The following LGR6 variants were observed in gnomAD, a reference collection of about 807,000 sequenced individuals.
LGR6 encodes leucine rich repeat containing G protein-coupled receptor 6.
A neutral mutation model predicts 69.4 loss-of-function variants in LGR6; 45 were observed. That is an observed-to-expected ratio of 0.65 (90% confidence interval 0.51 to 0.83). The LOEUF is 0.83. Ranked by LOEUF, LGR6 falls within the 40% of genes least tolerant of loss-of-function variation. LGR6 has a pLI of 0.00. For synonymous variants in LGR6, 538 were observed against 555.0 expected (o/e 0.97, Z 0.43); for missense variants, 1,108 against 1,246.7 (o/e 0.89, Z 1.68).
intron 7 of LGR6, among the ~76,000 whole-genome samples, chr1:202,298,063 T>G (rs902628408): frequency 1.3e-5 from 2 of 152,240 alleles, no homozygotes; most frequent in Non-Finnish European, 2.9e-5. Flanking sequence ...CTGCACTGTG[T>G]TTAGTGATAA....
At chr1:202,307,046 C>T in intron 13 of LGR6, 107 bp downstream of exon 13, 1 of 958,318 alleles carries the variant, frequency 1.0e-6, no homozygotes. Context: ...ATGTGACATG[C>T]ACATCGCCTC....
rs78129981 is a variant in LGR6, at chr1:202,277,463, G to C, written c.644+942G>C. Among the ~76,000 whole-genome samples, 37 of 150,788 alleles carry C rather than the reference G, an allele frequency of 2.5e-4. No homozygotes were observed. In the East Asian group the frequency reaches 6.6e-3, roughly 27 times the overall value. On this transcript the variant is annotated intron_variant, in intron 5 of 17. Transcript: ENST00000367278. ...TCTTCTGGGAGTCACGGGGCAGGGT[G>C]GGGGGGTATTTAGAGAGGGTAAACA...
At chr1:202,258,702 T>C (rs1049671893) in intron 4 of LGR6, among the ~76,000 whole-genome samples, 24 of 152,080 alleles carry the variant, frequency 1.6e-4, no homozygotes, top group South Asian at 6.2e-4. Context: ...CTTTATTAAA[T>C]TCTCTTATTA....
intron 12 of LGR6, 47 bp from the exon 13 acceptor site, chr1:202,306,821 C>A (rs1472612825): frequency 1.3e-6 from 2 of 1,563,646 alleles, no homozygotes; most frequent in Non-Finnish European, 1.8e-6. Flanking sequence ...TGGAGCGGAG[C>A]CAGGGTCTGA....
At position 202,205,719 on chromosome 1, in the gene LGR6, A is replaced by G; in HGVS notation, c.212+11518A>G. Among the ~76,000 whole-genome samples the G allele has an allele frequency of 1.4e-5, 2 of 144,594 alleles. 1 individual carries two copies. Among genetic ancestry groups the G allele is most frequent in the Middle Eastern group, 8.0e-3 (2 of 250 alleles). 94.9% of individuals were successfully genotyped at this position (144,594 alleles called of 152,430 possible). ...ACATACACACACACCCCTAACACAC[A>G]CACCTTCTTCAAACACACACACACA... On this transcript the variant is annotated intron_variant, in intron 1 of 17. Transcript: ENST00000367278.
At chr1:202,210,423 G>C (rs1339915089) in intron 1 of LGR6, among the ~76,000 whole-genome samples, 1 of 129,404 alleles carries the variant, frequency 7.7e-6, no homozygotes, top group South Asian at 2.8e-4. Context: ...GGGAGGTACA[G>C]AGCAGAAAAA....
chr1:202,311,441 CT>C (rs1334384764), intron 16 of LGR6, among the ~76,000 whole-genome samples: 1 of 152,188 alleles, frequency 6.6e-6, no homozygotes, highest in Non-Finnish European at 1.5e-5. Flanking sequence ...GGGTGGATCA[CT>C]TTAGGTCAGG....
chr1:202,277,115 T>C (rs1027991412), intron 5 of LGR6, among the ~76,000 whole-genome samples: 1 of 152,170 alleles, frequency 6.6e-6, no homozygotes, highest in Non-Finnish European at 1.5e-5. Context: ...TATGAATGAT[T>C]GGTAAGTTCA....
rs564063158 is a variant in LGR6, at chr1:202,311,153, G to T, written c.1567+796G>T. 2.0e-5 allele frequency among the ~76,000 whole-genome samples: 3 copies of T among 152,198 alleles called. No homozygotes were observed. In the East Asian group the frequency reaches 5.8e-4, roughly 29 times the overall value. On this transcript the variant is annotated intron_variant, in intron 16 of 17. Transcript: ENST00000367278. Reference sequence around the variant, plus strand: ...AGGAGGGAGAGAGTAGGGGTCCTCTGCTTTGGGGTATTCTTTTTCCATCTC... The same window carrying T: ...AGGAGGGAGAGAGTAGGGGTCCTCTTCTTTGGGGTATTCTTTTTCCATCTC...
chr1:202,214,258 C>G (rs1659605677), intron 1 of LGR6: 1 of 1,524,270 alleles, frequency 6.6e-7, no homozygotes, highest in African/African-American at 1.4e-5. Context: ...GGGAAGGGTG[C>G]CGAGCTCCGG....
chr1:202,307,623 C>T (rs1653348632), intron 14 of LGR6, among the ~76,000 whole-genome samples: 1 of 152,212 alleles, frequency 6.6e-6, no homozygotes, highest in Non-Finnish European at 1.5e-5. Flanking sequence ...TGCTAATGTT[C>T]TGCAGTATTT....
At chr1:202,210,740 A>T (rs1659432354) in intron 1 of LGR6, 1 of 152,168 alleles carries the variant, frequency 6.6e-6, no homozygotes, top group African/African-American at 2.4e-5. Flanking sequence ...TTTTAAAGAA[A>T]ACTTCTTTTG....
intron 1 of LGR6, among the ~76,000 whole-genome samples, chr1:202,216,080 G>C (rs911978824): frequency 2.0e-5 from 3 of 152,152 alleles, no homozygotes; most frequent in African/African-American, 7.2e-5. Context: ...TTGCCGCTTC[G>C]TCACCTAGCA....
At chr1:202,283,767 T>A (rs540684986) in intron 6 of LGR6, among the ~76,000 whole-genome samples, 1 of 152,280 alleles carries the variant, frequency 6.6e-6, no homozygotes, top group South Asian at 2.1e-4. Flanking sequence ...TGACCCTCAC[T>A]CCACGTAGGC....
chr1:202,299,951 C>G (rs962163592), intron 7 of LGR6, among the ~76,000 whole-genome samples: 1 of 152,360 alleles, frequency 6.6e-6, no homozygotes, highest in East Asian at 1.9e-4. Context: ...CTCCCAGACT[C>G]TCAGCTGGGT....
chr1:202,268,280 C>T lies in LGR6; in HGVS notation c.429-8026C>T, dbSNP rs796660715. Among the ~76,000 whole-genome samples the T allele has an allele frequency of 2.6e-5, 4 of 152,202 alleles. No individual in the cohort carries two copies. Among genetic ancestry groups the T allele is most frequent in the African/African-American group, 9.6e-5 (4 of 41,536 alleles). ...GCTGGTGTGGGAGGCTGGGCCCTGC[C>T]GCCTATGGAAGGCCCAAGGGCATCT... On this transcript the variant is annotated intron_variant, in intron 4 of 17. Transcript: ENST00000367278. The surrounding 1 kb of genome is among the most constrained non-coding windows in gnomAD (Gnocchi z 4.4).
chr1:202,208,542 C>T (rs952131028), intron 1 of LGR6, among the ~76,000 whole-genome samples: 3 of 151,984 alleles, frequency 2.0e-5, no homozygotes, highest in Non-Finnish European at 4.4e-5. Context: ...TAGGACATGG[C>T]CATCATCAGC....
At chr1:202,264,108 A>G (rs1664456842) in intron 4 of LGR6, among the ~76,000 whole-genome samples, 1 of 152,038 alleles carries the variant, frequency 6.6e-6, no homozygotes, top group Non-Finnish European at 1.5e-5. Flanking sequence ...TTGAAACTAT[A>G]CAGGTATAAC....
At chr1:202,194,559 C>T (rs759124334) in intron 1 of LGR6, 13 of 578,394 alleles carry the variant, frequency 2.2e-5, no homozygotes, top group African/African-American at 1.3e-4. Context: ...GAGCAGTGCC[C>T]GGGATGGTGG....
Sources: gnomAD v4.1 joint callset for allele counts (sites outside exome capture counted in the v4.1 genomes callset) on GRCh38, gnomAD v4.1.1 for gene constraint, Gnocchi (gnomAD v3.1) non-coding constraint, MANE v1.5 for transcripts, NCBI Gene and HGNC (gene_info 2026-07-23, HGNC 2026-07-21) for gene names.